Variants in FRK observed in about 807,000 individuals in gnomAD.
FRK encodes the protein fyn related Src family tyrosine kinase.
Under a neutral mutation model 56.4 loss-of-function variants are expected in FRK, and 51 were observed. The observed-to-expected ratio is 0.90, with a 90% CI of 0.72 to 1.14. The LOEUF (loss-of-function observed/expected upper bound fraction) is 1.14. Ranked by LOEUF, FRK falls within the 50% of genes most tolerant of loss-of-function variation. FRK has a pLI of 0.00. For synonymous variants in FRK, 245 were observed against 217.9 expected (o/e 1.12, Z -1.10); for missense variants, 570 against 601.4 (o/e 0.95, Z 0.55).
Position 115,942,530 on chromosome 6 carries a change from C to G in FRK, c.1402G>C (p.Glu468Gln). ...CPQQFYNIML[E>Q]CWNAEPKERP... ...TCCTTAGGCTCTGCATTCCAGCACT[C>G]CAACATGATGTTGTAAAATTGCTGT... The change falls in exon 8 of 8, where the codon GAG becomes CAG. Residue 468 changes from glutamate (E) to glutamine (Q), a missense_variant. Transcript: ENST00000606080. The G allele has an allele frequency of 6.2e-7, 1 of 1,613,798 alleles. No homozygotes were observed. Among genetic ancestry groups the G allele is most frequent in the Non-Finnish European group, 8.5e-7 (1 of 1,179,790 alleles).
the FRK span, among the ~76,000 whole-genome samples, chr6:116,094,913 A>C: frequency 6.6e-6 from 1 of 152,236 alleles, no homozygotes; most frequent in Non-Finnish European, 1.5e-5. Flanking sequence ...AGAGAGATGG[A>C]AGTAGTAAAG....
At chr6:116,026,395 G>A (rs1776088688) in intron 1 of FRK, among the ~76,000 whole-genome samples, 1 of 151,798 alleles carries the variant, frequency 6.6e-6, no homozygotes. Context: ...AATGTAAAAA[G>A]CAAGGCAAAA....
the FRK span, among the ~76,000 whole-genome samples, chr6:116,071,664 C>A: frequency 6.6e-6 from 1 of 152,154 alleles, no homozygotes; most frequent in Non-Finnish European, 1.5e-5. Context: ...GTGTGCCTGC[C>A]TATTAAAAAT....
At chr6:115,971,115 A>C (rs1175429830) in intron 2 of FRK, among the ~76,000 whole-genome samples, 1 of 152,184 alleles carries the variant, frequency 6.6e-6, no homozygotes, top group Non-Finnish European at 1.5e-5. Flanking sequence ...TTAAAAGAAT[A>C]CTTTTAAAAT....
chr6:115,944,416 C>T lies in FRK; in HGVS notation c.968G>A (p.Gly323Glu). Residue 323 changes from glycine (G) to glutamate (E), a missense_variant, in exon 6 of 8, where the codon GGA (glycine) becomes GAA (glutamate). Transcript: ENST00000606080. ...SLQEYLQNDT[G>E]SKIHLTQQVD... is the part of the protein sequence containing the mutation. Reference sequence around the variant, plus strand: ...CTGTTGAGTCAGATGGATTTTTGATCCAGTGTCATCTAAGTAATAAGAGAA... The same window carrying T: ...CTGTTGAGTCAGATGGATTTTTGATTCAGTGTCATCTAAGTAATAAGAGAA... 1.2e-6 allele frequency: 2 copies of T among 1,603,722 alleles called. No homozygotes were observed. Among genetic ancestry groups the T allele is most frequent in the Non-Finnish European group, 1.7e-6 (2 of 1,177,234 alleles).
At chr6:116,077,316 C>T in the FRK span, among the ~76,000 whole-genome samples, 1 of 152,210 alleles carries the variant, frequency 6.6e-6, no homozygotes, top group African/African-American at 2.4e-5. Flanking sequence ...AGGAATATTT[C>T]ACATAGGGCT....
At chr6:116,045,509 G>A (rs1227398112) in intron 1 of FRK, among the ~76,000 whole-genome samples, 1 of 152,192 alleles carries the variant, frequency 6.6e-6, no homozygotes, top group East Asian at 1.9e-4. Flanking sequence ...AATAAATGGT[G>A]TTGGGAAAAC....
the FRK span, among the ~76,000 whole-genome samples, chr6:116,081,822 A>T: frequency 1.3e-5 from 2 of 152,154 alleles, no homozygotes; most frequent in Non-Finnish European, 2.9e-5. Context: ...ATTATGCATC[A>T]TATGCTGTTC....
intron 4 of FRK, among the ~76,000 whole-genome samples, chr6:115,960,188 G>A (rs1034608264): frequency 2.0e-5 from 3 of 150,990 alleles, no homozygotes; most frequent in African/African-American, 4.9e-5. Flanking sequence ...GTGTGTGCGC[G>A]CACCGTGCGC....
At chr6:115,947,831 A>G (rs1050783568) in intron 5 of FRK, among the ~76,000 whole-genome samples, 5 of 152,226 alleles carry the variant, frequency 3.3e-5, no homozygotes, top group Non-Finnish European at 7.4e-5. Context: ...TGCTGCTATG[A>G]TAGCCAAAAT....
intron 1 of FRK, among the ~76,000 whole-genome samples, chr6:116,054,499 TA>T (rs1192529173): frequency 1.4e-5 from 2 of 142,282 alleles, no homozygotes; most frequent in African/African-American, 2.6e-5. Flanking sequence ...TATATTATAC[TA>T]TTATAATATT....
chr6:115,944,126 T>C (rs1204353309), intron 6 of FRK, 118 bp downstream of exon 6: 1 of 764,594 alleles, frequency 1.3e-6, no homozygotes, highest in Non-Finnish European at 2.0e-6. Context: ...TGAAGTAGTT[T>C]ATGGACTACA....
Position 116,060,291 on chromosome 6 carries a change from C to A in FRK, c.21G>T (p.Arg7Ser). 6.2e-7 allele frequency: 1 copy of A among 1,613,690 alleles called. No individual in the cohort carries two copies. Among genetic ancestry groups the A allele is most frequent in the South Asian group, 1.1e-5 (1 of 91,032 alleles). Reference protein sequence around the residue: MSNICQRLWEYLEPYLP... With the variant: MSNICQSLWEYLEPYLP... ...GATAGGGTTCTAGGTACTCCCAGAG[C>A]CTCTGACAGATGTTGCTCATTGTGC... Residue 7 changes from arginine to serine, a missense_variant, in exon 1 of 8, where the codon AGG becomes AGT. Arg to Ser is a moderately radical substitution (Grantham distance 110, BLOSUM62 -1). Coordinates refer to ENST00000606080, the MANE Select transcript of FRK (RefSeq NM_002031.3).
In FRK at chr6:115,958,798, AAAAG is replaced by A. The variant is rs1239365546; in HGVS notation, c.800-2192_800-2189del. Among the ~76,000 whole-genome samples, 83 of 73,398 alleles carry A rather than the reference AAAAG, an allele frequency of 1.1e-3. 1 individual carries two copies. The highest frequency in any genetic ancestry group is 2.8e-3 in the African/African-American group (51 of 18,382). 48.2% of individuals were successfully genotyped at this position (73,398 alleles called of 152,430 possible). On this transcript the variant is annotated intron_variant, in intron 4 of 7. Coordinates refer to ENST00000606080, the MANE Select transcript of FRK (RefSeq NM_002031.3). ...GGGGAAGGAGAGAGAGAAAGAAAGA[AAAAG>A]AAAGAAAGAAAGAAAGAAAAAGAAA...
intron 1 of FRK, among the ~76,000 whole-genome samples, chr6:116,008,289 A>G (rs1209281867): frequency 1.3e-5 from 2 of 152,206 alleles, no homozygotes; most frequent in Non-Finnish European, 2.9e-5. Context: ...TTGTTTCAAC[A>G]ATTTTGGACT....
chr6:115,952,661 T>C (rs551698054), intron 5 of FRK, among the ~76,000 whole-genome samples: 1 of 150,936 alleles, frequency 6.6e-6, no homozygotes, highest in East Asian at 2.0e-4. Context: ...AGCAAAGACT[T>C]GGAACCAACC....
At chr6:116,088,063 C>G in the FRK span, among the ~76,000 whole-genome samples, 7 of 152,190 alleles carry the variant, frequency 4.6e-5, no homozygotes, top group African/African-American at 1.7e-4. Flanking sequence ...TGGACAATTC[C>G]AGGAAGTATC....
chr6:116,041,646 C>CAGGGAACTCCTTACCCTAGCCA (rs1776718444), intron 1 of FRK, among the ~76,000 whole-genome samples: 1 of 152,090 alleles, frequency 6.6e-6, no homozygotes, highest in Non-Finnish European at 1.5e-5. Context: ...CTCAAGGGGT[C>CAGGGAACTCCTTACCCTAGCCA]AGGGAACTCC....
intron 2 of FRK, among the ~76,000 whole-genome samples, chr6:115,998,267 T>A (rs1321275113): frequency 6.6e-6 from 1 of 152,110 alleles, no homozygotes; most frequent in Non-Finnish European, 1.5e-5. Flanking sequence ...CCTACAAATC[T>A]CTCATCCATT....
Sources: gnomAD v4.1 joint callset for allele counts (sites outside exome capture counted in the v4.1 genomes callset) on GRCh38, gnomAD v4.1.1 for gene constraint, MANE v1.5 for transcripts, NCBI Gene and HGNC (gene_info 2026-07-23, HGNC 2026-07-21) for gene names.